OLFM3: variants seen among roughly 807,000 people sequenced by gnomAD.
OLFM3 encodes noelin-3.
In OLFM3, 20 loss-of-function variants were observed where a neutral mutation model predicts 48.6. The ratio of observed to expected loss-of-function variants is 0.41; its 90% CI spans 0.29 to 0.60. The LOEUF (loss-of-function observed/expected upper bound fraction) is 0.60. Ranked by LOEUF, OLFM3 falls within the 20% of genes least tolerant of loss-of-function variation. The probability of loss-of-function intolerance (pLI) is 0.28; values close to 1 mark genes in which losing one functional copy is unlikely to be tolerated. For synonymous variants in OLFM3, 222 were observed against 198.1 expected, an observed-to-expected ratio of 1.12 and a Z score of -1.01; for missense variants, 437 against 544.3, an observed-to-expected ratio of 0.80 and a Z score of 1.96.
At chr1:101,860,321 C>T (rs1656599926) in intron 1 of OLFM3, among the ~76,000 whole-genome samples, 1 of 152,046 alleles carries the variant, frequency 6.6e-6, no homozygotes, top group South Asian at 2.1e-4. Flanking sequence ...TAAAAATAAT[C>T]TTATCCTTGT....
chr1:101,846,474 A>G (rs1655998744), intron 1 of OLFM3, among the ~76,000 whole-genome samples: 1 of 152,122 alleles, frequency 6.6e-6, no homozygotes. Context: ...TTTGTAGCTT[A>G]CTTTGTGGGA....
chr1:101,821,555 T>C (rs1015374342), intron 4 of OLFM3, among the ~76,000 whole-genome samples: 5 of 152,072 alleles, frequency 3.3e-5, no homozygotes, highest in Admixed American at 3.3e-4. Context: ...TAAAATATCC[T>C]CTTTGCTCAG....
At chr1:101,881,857 C>A (rs564513607) in intron 1 of OLFM3, among the ~76,000 whole-genome samples, 15 of 151,452 alleles carry the variant, frequency 9.9e-5, no homozygotes, top group Admixed American at 7.9e-4. Flanking sequence ...CTACTTCTTT[C>A]TTTATTTATT....
In OLFM3 at chr1:101,984,207, C is replaced by A. The variant is rs577386132; in HGVS notation, c.69+12541G>T. The stretch of plus-strand genomic sequence containing the variant: ...TGAGCCAAGATGACACCACTGCACT[C>A]TAGCCTGGGCAACAAAAGGACAAAC... On this transcript the variant is annotated intron_variant, in intron 1 of 5. Transcript: ENST00000370103. 6.5e-5 allele frequency among the ~76,000 whole-genome samples: 9 copies of A among 138,274 alleles called. No homozygotes were observed. The South Asian group carries it at 1.8e-3, about 28-fold the overall frequency. 90.7% of individuals were successfully genotyped at this position (138,274 alleles called of 152,430 possible). A position where few individuals can be genotyped will look rare whatever the true frequency, so the allele number is the denominator to read the frequency against.
chr1:101,910,139 C>T, intron 1 of OLFM3: 2 of 985,262 alleles, frequency 2.0e-6, no homozygotes, highest in Non-Finnish European at 2.4e-6. Context: ...TCTTCATCAT[C>T]ACAAGATGTT....
intron 1 of OLFM3, among the ~76,000 whole-genome samples, chr1:101,905,843 G>T (rs1295407811): frequency 6.6e-6 from 1 of 152,062 alleles, no homozygotes; most frequent in African/African-American, 2.4e-5. Context: ...AAACCCAAAA[G>T]AATCTGCCTC....
intron 4 of OLFM3, among the ~76,000 whole-genome samples, chr1:101,815,262 C>T (rs1027340746): frequency 6.6e-5 from 10 of 151,706 alleles, no homozygotes; most frequent in Admixed American, 2.6e-4. Flanking sequence ...CTGGCTAACA[C>T]GGTGAAACCC....
At chr1:101,916,345 G>T (rs1658924536) in intron 1 of OLFM3, among the ~76,000 whole-genome samples, 1 of 151,966 alleles carries the variant, frequency 6.6e-6, no homozygotes. Context: ...TTCCCTCTGA[G>T]ATATTACTTC....
chr1:101,803,506 A>C lies in OLFM3; in HGVS notation c.*732T>G. 6.6e-6 allele frequency: 1 copy of C among 152,142 alleles called. No homozygotes were observed. The highest frequency in any genetic ancestry group is 1.9e-4 in the East Asian group (1 of 5,150). The allele number at this position is 152,142 out of a possible 1,614,324, so 9.4% of individuals were successfully genotyped here. A position where few individuals can be genotyped will look rare whatever the true frequency, so the allele number is the denominator to read the frequency against. On this transcript the variant is annotated 3_prime_UTR_variant, in exon 6 of 6. Transcript: ENST00000370103. ...TCTGGTTTGGTTTTCATTTTAGTTT[A>C]TAATGCTTATGTAAAGGGGTAAGCC...
At chr1:101,839,473 C>G (rs1020697752) in intron 1 of OLFM3, among the ~76,000 whole-genome samples, 2 of 152,162 alleles carry the variant, frequency 1.3e-5, no homozygotes, top group Admixed American at 6.5e-5. Flanking sequence ...ATAAGCCCTG[C>G]AGTTTTAGCT....
At chr1:101,923,338 G>A (rs942122801) in intron 1 of OLFM3, among the ~76,000 whole-genome samples, 1 of 152,074 alleles carries the variant, frequency 6.6e-6, no homozygotes, top group Non-Finnish European at 1.5e-5. Flanking sequence ...TTCTCCTGTG[G>A]CCTTGTCCTT....
chr1:101,869,008 G>C (rs1016865887), intron 1 of OLFM3, among the ~76,000 whole-genome samples: 1 of 152,238 alleles, frequency 6.6e-6, no homozygotes, highest in Non-Finnish European at 1.5e-5. Flanking sequence ...TATCCAGGCA[G>C]AAGTTTGCTG....
intron 1 of OLFM3, among the ~76,000 whole-genome samples, chr1:101,934,306 A>G (rs958816704): frequency 1.3e-5 from 2 of 152,196 alleles, no homozygotes; most frequent in African/African-American, 2.4e-5. Flanking sequence ...AACAAAACAA[A>G]GAACATGGGT....
intron 1 of OLFM3, among the ~76,000 whole-genome samples, chr1:101,841,689 G>T (rs1655728752): frequency 6.6e-6 from 1 of 152,138 alleles, no homozygotes. Context: ...TAGATGGAGG[G>T]ACAGGCAAAG....
chr1:101,832,029 A>G (rs553813068), intron 2 of OLFM3, among the ~76,000 whole-genome samples: 1 of 152,132 alleles, frequency 6.6e-6, no homozygotes, highest in Non-Finnish European at 1.5e-5. Flanking sequence ...CAGTCTCCTG[A>G]GTAGCTGGGA....
intron 1 of OLFM3, chr1:101,837,870 T>C (rs1655511622): frequency 6.6e-6 from 1 of 152,202 alleles, no homozygotes; most frequent in Middle Eastern, 3.2e-3. Context: ...TTATAAACCA[T>C]GAATTTATTC....
chr1:101,832,391 G>C (rs1161238548), intron 2 of OLFM3, among the ~76,000 whole-genome samples: 1 of 152,174 alleles, frequency 6.6e-6, no homozygotes, highest in Non-Finnish European at 1.5e-5. Flanking sequence ...TATAATATTG[G>C]AAAAAGGCAA....
rs765037302 is a variant in OLFM3 at position 101,846,886 on chromosome 1, C to T, written c.70-9861G>A. 9 of 1,612,664 alleles carry T rather than the reference C, an allele frequency of 5.6e-6. No individual in the cohort carries two copies. In the South Asian group the frequency reaches 9.9e-5, roughly 18 times the overall value. On this transcript the variant is annotated intron_variant, in intron 1 of 5. Transcript: ENST00000370103. ...GACAGCCTCGTGGTGTTCAGTCCCA[C>T]CAAGGATGGGAGAGTTTGGGACATC...
At chr1:101,810,746 T>C (rs891687108) in intron 4 of OLFM3, among the ~76,000 whole-genome samples, 1 of 151,922 alleles carries the variant, frequency 6.6e-6, no homozygotes, top group Non-Finnish European at 1.5e-5. Context: ...CTTTAAACTT[T>C]TAACTCTTAC....
Sources: gnomAD v4.1 joint callset for allele counts (sites outside exome capture counted in the v4.1 genomes callset) on GRCh38, gnomAD v4.1.1 for gene constraint, MANE v1.5 for transcripts, NCBI Gene and HGNC (gene_info 2026-07-23, HGNC 2026-07-21) for gene names.